IL1RAPL2: variants seen among roughly 807,000 people sequenced by gnomAD.
IL1RAPL2 encodes X-linked interleukin-1 receptor accessory protein-like 2.
IL1RAPL2 carries 3 observed loss-of-function variants against 44.1 expected under a neutral mutation model. That is an observed-to-expected ratio of 0.07 (90% CI 0.03 to 0.18). The LOEUF is 0.18. Among genes scored for constraint, IL1RAPL2 ranks in the 10% least tolerant of loss-of-function variants. IL1RAPL2 has a pLI of 1.00. For synonymous variants in IL1RAPL2, 181 were observed against 178.8 expected (o/e 1.01, Z -0.10); for missense variants, 391 against 496.4 (o/e 0.79, Z 2.02).
At chrX:104,967,722 G>A (rs775673199) in intron 2 of IL1RAPL2, among the ~76,000 whole-genome samples, 47 of 110,772 alleles carry the variant, frequency 4.2e-4, no homozygotes, top group South Asian at 1.1e-3. Flanking sequence ...AAAAAGGAGA[G>A]ATATGACTAG....
At chrX:105,623,821 C>T (rs1275454263) in intron 6 of IL1RAPL2, among the ~76,000 whole-genome samples, 3 of 111,758 alleles carry the variant, frequency 2.7e-5, no homozygotes, top group African/African-American at 9.7e-5. Context: ...TAGCTCCTGT[C>T]TTCATGGAGC....
chrX:104,635,153 G>T (rs1199473737), intron 1 of IL1RAPL2, among the ~76,000 whole-genome samples: 3 of 111,612 alleles, frequency 2.7e-5, no homozygotes, highest in South Asian at 3.8e-4. Flanking sequence ...TTTTCTTTAA[G>T]AATGTTGAAT....
At chrX:105,349,087 T>C (rs968122248) in intron 5 of IL1RAPL2, among the ~76,000 whole-genome samples, 8 of 112,298 alleles carry the variant, frequency 7.1e-5, no homozygotes, top group Non-Finnish European at 1.5e-4. Context: ...ATGGTACATA[T>C]TGAAAATTTT....
chrX:105,024,299 G>C (rs1172575146), intron 2 of IL1RAPL2, among the ~76,000 whole-genome samples: 1 of 111,338 alleles, frequency 9.0e-6, no homozygotes, highest in Non-Finnish European at 1.9e-5. Flanking sequence ...TCTGGCAATG[G>C]GTGATATAGG....
chrX:105,042,009 A>T (rs1220441442), intron 2 of IL1RAPL2, among the ~76,000 whole-genome samples: 1 of 110,839 alleles, frequency 9.0e-6, no homozygotes, highest in Non-Finnish European at 1.9e-5. Flanking sequence ...GGTGCTGGGA[A>T]AACTGGCTAG....
intron 2 of IL1RAPL2, among the ~76,000 whole-genome samples, chrX:105,108,608 T>C (rs1257863465): frequency 9.4e-6 from 1 of 106,300 alleles, no homozygotes; most frequent in African/African-American, 3.4e-5. Context: ...CCTAAAGTGC[T>C]GGGATTACAG....
intron 2 of IL1RAPL2, among the ~76,000 whole-genome samples, chrX:104,955,165 A>G (rs1056243882): frequency 1.8e-5 from 2 of 111,589 alleles, no homozygotes; most frequent in Non-Finnish European, 3.8e-5. Flanking sequence ...GTTGTAGCCA[A>G]TCTTCAATCT....
At position 105,102,650 on chromosome X, in the gene IL1RAPL2, T is replaced by C. The variant is rs1488190163; in HGVS notation, c.83-92825T>C. On this transcript the variant is annotated intron_variant, in intron 2 of 10. Coordinates refer to ENST00000372582, the MANE Select transcript of IL1RAPL2 (RefSeq NM_017416.2). ...AAACATAAACACATGTATGTACACA[T>C]GTGTGTATATATGTGTATATATATA... Among the ~76,000 whole-genome samples, 3 of 111,789 alleles carry C rather than the reference T, an allele frequency of 2.7e-5. No homozygotes were observed. The East Asian group carries it at 8.4e-4, about 31-fold the overall frequency.
intron 6 of IL1RAPL2, among the ~76,000 whole-genome samples, chrX:105,520,858 A>G (rs748889544): frequency 1.9e-5 from 2 of 107,181 alleles, no homozygotes; most frequent in Non-Finnish European, 3.8e-5. Context: ...TTTCTATTAT[A>G]GCTATTTTTA....
intron 10 of IL1RAPL2, 94 bp from the exon 11 acceptor site, chrX:105,766,870 A>T (rs2038735156): frequency 7.1e-6 from 4 of 561,197 alleles, no homozygotes; most frequent in Non-Finnish European, 1.2e-5. Flanking sequence ...CTTTAGTGAG[A>T]GACTGGATCT....
At position 105,375,806 on chromosome X, in the gene IL1RAPL2, A is replaced by T. The variant is rs770578090; in HGVS notation, c.697+108265A>T. ...TCTTTATAACCCAGAACTTGATTAC[A>T]TAATGGTATTTATTGTTCTCTAGTT... On this transcript the variant is annotated intron_variant, in intron 5 of 10. Coordinates refer to ENST00000372582, the MANE Select transcript of IL1RAPL2 (RefSeq NM_017416.2). Among the ~76,000 whole-genome samples, 22 of 112,045 alleles carry T rather than the reference A, an allele frequency of 2.0e-4. No homozygotes were observed. In the Admixed American group the frequency reaches 2.0e-3, roughly 10 times the overall value.
intron 5 of IL1RAPL2, among the ~76,000 whole-genome samples, chrX:105,416,555 A>G (rs373583174): frequency 8.9e-6 from 1 of 112,483 alleles, no homozygotes; most frequent in African/African-American, 3.2e-5. Context: ...TAATGCATGT[A>G]AAGTATTTTG....
At chrX:105,728,176 C>T (rs771995473) in intron 7 of IL1RAPL2, among the ~76,000 whole-genome samples, 2 of 111,446 alleles carry the variant, frequency 1.8e-5, no homozygotes, top group Non-Finnish European at 3.8e-5. Flanking sequence ...CTGTGTTCCA[C>T]TTTATTTATC....
intron 5 of IL1RAPL2, among the ~76,000 whole-genome samples, chrX:105,319,816 G>A (rs1478896160): frequency 8.9e-6 from 1 of 111,887 alleles, no homozygotes; most frequent in African/African-American, 3.2e-5. Flanking sequence ...CAAGTGCATG[G>A]GAGTCTGATC....
chrX:105,031,884 A>T (rs1489153967), intron 2 of IL1RAPL2, among the ~76,000 whole-genome samples: 1 of 111,532 alleles, frequency 9.0e-6, no homozygotes, highest in Non-Finnish European at 1.9e-5. Flanking sequence ...TAAGCTATTG[A>T]TTATTGCCAC....
At chrX:104,650,027 G>A (rs1930123324) in intron 1 of IL1RAPL2, among the ~76,000 whole-genome samples, 1 of 111,670 alleles carries the variant, frequency 9.0e-6, no homozygotes, top group African/African-American at 3.2e-5. Context: ...ATACTCCAAT[G>A]AGAGGAATAC....
At chrX:104,994,099 T>C (rs1045836059) in intron 2 of IL1RAPL2, among the ~76,000 whole-genome samples, 37 of 112,122 alleles carry the variant, frequency 3.3e-4, no homozygotes, top group African/African-American at 1.1e-3. Context: ...GAATGTTCAT[T>C]GCTACTTTAT....
At chrX:104,953,338 C>G (rs1429414670) in intron 2 of IL1RAPL2, among the ~76,000 whole-genome samples, 1 of 111,795 alleles carries the variant, frequency 8.9e-6, no homozygotes, top group African/African-American at 3.2e-5. Context: ...AATAACATAA[C>G]TAAGTTAGAG....
intron 2 of IL1RAPL2, among the ~76,000 whole-genome samples, chrX:105,075,884 T>C (rs189229738): frequency 1.8e-5 from 2 of 111,878 alleles, no homozygotes; most frequent in African/African-American, 6.5e-5. Context: ...GAATCGATGG[T>C]GATATCCCGT....
Sources: gnomAD v4.1 joint callset for allele counts (sites outside exome capture counted in the v4.1 genomes callset) on GRCh38, gnomAD v4.1.1 for gene constraint, MANE v1.5 for transcripts, NCBI Gene and HGNC (gene_info 2026-07-23, HGNC 2026-07-21) for gene names.